Variants in EML6 observed in about 807,000 individuals in gnomAD.
The protein encoded by EML6 is echinoderm microtubule-associated protein-like 6.
Under a neutral mutation model 240.1 loss-of-function variants are expected in EML6, and 154 were observed. That is an observed-to-expected ratio of 0.64 (90% CI 0.56 to 0.73). The LOEUF (loss-of-function observed/expected upper bound fraction) is 0.73. Among genes scored for constraint, EML6 ranks in the 30% least tolerant of loss-of-function variants. EML6 has a pLI of 0.00. For missense variants in EML6, 2,964 were observed against 2,474.6 expected (o/e 1.20, Z -4.20); for synonymous variants, 1,148 against 899.0 (o/e 1.28, Z -4.95).
intron 2 of EML6, among the ~76,000 whole-genome samples, chr2:54,733,171 G>A (rs912797759): frequency 2.0e-5 from 3 of 152,220 alleles, no homozygotes. Context: ...CTACCTCCCG[G>A]GGATGAAAGG....
chr2:54,876,965 G>C (rs969040983), intron 16 of EML6, among the ~76,000 whole-genome samples: 34 of 150,766 alleles, frequency 2.3e-4, no homozygotes, highest in Admixed American at 1.1e-3. Context: ...ACTCACTCTT[G>C]ACTCATCATC....
intron 31 of EML6, among the ~76,000 whole-genome samples, 158 bp downstream of exon 31, chr2:54,952,850 C>T (rs956124534): frequency 6.6e-5 from 10 of 152,132 alleles, no homozygotes; most frequent in South Asian, 2.1e-4. Context: ...GTGTCACCTG[C>T]GTTGACACAT....
rs1039834988 is a variant in EML6, at chr2:54,725,547, A to G, written c.197+289A>G. On this transcript the variant is annotated intron_variant, in intron 2 of 41. Transcript: ENST00000356458. This position sits in a 1 kb window ranked among gnomAD's most constrained non-coding sequence, Gnocchi z 4.3. ...CTTTCTTGCTGTTCTTTCCTGCTACAAGTGGAAGGAGCCTGGGTAACTATG... is the reference window on the plus strand; with the variant it reads ...CTTTCTTGCTGTTCTTTCCTGCTACGAGTGGAAGGAGCCTGGGTAACTATG... Among the ~76,000 whole-genome samples the G allele has an allele frequency of 2.0e-5, 3 of 152,154 alleles. No homozygotes were observed. Among genetic ancestry groups the G allele is most frequent in the African/African-American group, 4.8e-5 (2 of 41,432 alleles).
chr2:54,797,177 A>AAAAACAAAAAAAAAC (rs1669849926), intron 2 of EML6, among the ~76,000 whole-genome samples: 1 of 132,688 alleles, frequency 7.5e-6, no homozygotes, highest in Non-Finnish European at 1.6e-5. Flanking sequence ...AAAAAAAAAA[A>AAAAACAAAAAAAAAC]AAAAAAAAAA....
intron 26 of EML6, among the ~76,000 whole-genome samples, chr2:54,922,933 CTTTTTTTTTTTTT>C (rs36078208): frequency 1.4e-5 from 1 of 73,852 alleles, no homozygotes; most frequent in Non-Finnish European, 2.4e-5. Context: ...AGGGTATAAA[CTTTTTTTTTTTTT>C]TTTTTTTTTT....
chr2:54,861,965 A>G (rs1670696513), intron 12 of EML6, among the ~76,000 whole-genome samples: 1 of 152,160 alleles, frequency 6.6e-6, no homozygotes, highest in Non-Finnish European at 1.5e-5. Context: ...GAGCAATATA[A>G]GAACAAATTG....
At chr2:54,912,563 C>G (rs1673699101) in intron 25 of EML6, among the ~76,000 whole-genome samples, 1 of 152,234 alleles carries the variant, frequency 6.6e-6, no homozygotes, top group East Asian at 1.9e-4. Context: ...TTGCCACCTC[C>G]TCTCTCTGCC....
chr2:54,863,961 C>A, intron 13 of EML6, 72 bp downstream of exon 13: 2 of 757,808 alleles, frequency 2.6e-6, no homozygotes, highest in Non-Finnish European at 4.3e-6. Flanking sequence ...GGACATAGCA[C>A]TAAAAATGAC....
chr2:54,778,374 A>G (rs1235233484), intron 2 of EML6, among the ~76,000 whole-genome samples: 1 of 152,140 alleles, frequency 6.6e-6, no homozygotes, highest in African/African-American at 2.4e-5. Context: ...AGGAGAGAGA[A>G]AAAAGAGTTT....
At chr2:54,885,638 G>A (rs573989147) in intron 17 of EML6, among the ~76,000 whole-genome samples, 1 of 151,942 alleles carries the variant, frequency 6.6e-6, no homozygotes, top group Non-Finnish European at 1.5e-5. Flanking sequence ...TTTTGATGGA[G>A]TCTTGCTCTT....
At chr2:54,853,903 G>A in intron 11 of EML6, 48 bp downstream of exon 11, 1 of 1,268,122 alleles carries the variant, frequency 7.9e-7, no homozygotes, top group Non-Finnish European at 1.1e-6. Context: ...ACTCTAAACT[G>A]TATACAGTAC....
chr2:54,905,654 C>T (rs1030743141), intron 24 of EML6, among the ~76,000 whole-genome samples: 1 of 152,156 alleles, frequency 6.6e-6, no homozygotes, highest in African/African-American at 2.4e-5. Flanking sequence ...TTCTTTTCAT[C>T]TTGTAATACT....
At chr2:54,912,323 C>T (rs993299653) in intron 25 of EML6, among the ~76,000 whole-genome samples, 1 of 152,120 alleles carries the variant, frequency 6.6e-6, no homozygotes, top group African/African-American at 2.4e-5. Context: ...AACTTATGGC[C>T]TTGAGTAAGA....
chr2:54,941,890 G>A (rs932851741), intron 28 of EML6, among the ~76,000 whole-genome samples: 3 of 152,218 alleles, frequency 2.0e-5, no homozygotes, highest in Non-Finnish European at 4.4e-5. Context: ...AGGTAGAAAT[G>A]CAAGACTCCT....
At chr2:54,963,123 C>A (rs1486219086) in intron 36 of EML6, among the ~76,000 whole-genome samples, 1 of 8,734 alleles carries the variant, frequency 1.1e-4, no homozygotes, top group Non-Finnish European at 2.1e-4. Context: ...AGTGGCTGGG[C>A]GGAGCGGGGT....
intron 2 of EML6, among the ~76,000 whole-genome samples, chr2:54,737,916 G>A (rs1558516268): frequency 6.6e-6 from 1 of 152,138 alleles, no homozygotes. Flanking sequence ...TCTAGCTGCT[G>A]CTTGAATACC....
chr2:54,788,179 G>A (rs998637886), intron 2 of EML6, among the ~76,000 whole-genome samples: 4 of 152,202 alleles, frequency 2.6e-5, no homozygotes, highest in African/African-American at 7.2e-5. Context: ...TCGCTCACTC[G>A]CTCGCTAGCT....
rs543784311 is a variant in EML6 at position 54,778,229 on chromosome 2, A to G, written c.198-35003A>G. Reference sequence around the variant, plus strand: ...AATTCTCAAAAGAAAGTGAGATAAAATCAGTTTAAGATGGCAAGTGAAGGA... The same window carrying G: ...AATTCTCAAAAGAAAGTGAGATAAAGTCAGTTTAAGATGGCAAGTGAAGGA... On this transcript the variant is annotated intron_variant, in intron 2 of 41. Coordinates refer to ENST00000356458, the MANE Select transcript of EML6 (RefSeq NM_001039753.4). 4.6e-5 allele frequency among the ~76,000 whole-genome samples: 7 copies of G among 152,330 alleles called. No individual in the cohort carries two copies. The East Asian group carries it at 1.3e-3, about 29-fold the overall frequency.
At chr2:54,854,736 A>G (rs574968046) in intron 11 of EML6, among the ~76,000 whole-genome samples, 13 of 152,376 alleles carry the variant, frequency 8.5e-5, no homozygotes, top group Non-Finnish European at 1.9e-4. Flanking sequence ...GCATAACAAG[A>G]CACCATCACT....
Sources: gnomAD v4.1 joint callset for allele counts (sites outside exome capture counted in the v4.1 genomes callset) on GRCh38, gnomAD v4.1.1 for gene constraint, Gnocchi (gnomAD v3.1) non-coding constraint, MANE v1.5 for transcripts, NCBI Gene and HGNC (gene_info 2026-07-23, HGNC 2026-07-21) for gene names.